Variants in SGCD observed in about 807,000 individuals in gnomAD.
The protein encoded by SGCD is sarcoglycan delta, also known as delta-sarcoglycan.
In SGCD, 18 loss-of-function variants were observed where a neutral mutation model predicts 36.6. That is an observed-to-expected ratio of 0.49 (90% CI 0.34 to 0.73). The LOEUF (loss-of-function observed/expected upper bound fraction) is 0.73. SGCD is among the 30% of genes least tolerant of loss of function. SGCD has a pLI of 0.01. For missense variants in SGCD, 387 were observed against 346.7 expected, an observed-to-expected ratio of 1.12 and a Z score of -0.92; for synonymous variants, 133 against 130.6, an observed-to-expected ratio of 1.02 and a Z score of -0.12.
At chr5:155,728,890 G>A in the SGCD span, among the ~76,000 whole-genome samples, 1 of 152,204 alleles carries the variant, frequency 6.6e-6, no homozygotes, top group Non-Finnish European at 1.5e-5. Context: ...CGTAGCCTTC[G>A]CCGCGTGGCC....
At chr5:156,307,555 GTTTT>G (rs59481792) in intron 3 of SGCD, among the ~76,000 whole-genome samples, 15 of 41,156 alleles carry the variant, frequency 3.6e-4, no homozygotes, top group Admixed American at 6.7e-4. Flanking sequence ...TTTAACTGTT[GTTTT>G]TTTTTTTTTT....
chr5:156,742,922 A>C (rs1384367465), intron 7 of SGCD, among the ~76,000 whole-genome samples: 1 of 152,138 alleles, frequency 6.6e-6, no homozygotes, highest in Non-Finnish European at 1.5e-5. Context: ...TTCAAATGTT[A>C]ATCTCATCCA....
intron 3 of SGCD, among the ~76,000 whole-genome samples, chr5:156,251,945 A>G (rs10039209): frequency 3.3e-5 from 5 of 152,200 alleles, no homozygotes; most frequent in African/African-American, 9.7e-5. Flanking sequence ...TCTAAAAAGC[A>G]TCTTTGTTTC....
chr5:156,397,589 C>T (rs55755417), intron 3 of SGCD, among the ~76,000 whole-genome samples: 22,594 of 152,072 alleles, frequency 0.15, 1,818 homozygotes, highest in South Asian at 0.25. Flanking sequence ...GGCAGTTGGA[C>T]GTTCACTGTG....
In SGCD at chr5:156,762,528, T is replaced by G. The variant is rs373397656; in HGVS notation, c.*3138T>G. 6 of 152,782 alleles carry G rather than the reference T, an allele frequency of 3.9e-5. No homozygotes were observed. In the South Asian group the frequency reaches 6.2e-4, roughly 16 times the overall value. The allele number at this position is 152,782 out of a possible 1,614,324, so 9.5% of individuals were successfully genotyped here. The stretch of plus-strand genomic sequence containing the variant: ...GGCTTTGAACATCCTTTAGGTCATT[T>G]TCTCTTTGGATAATTTTCATCGCAT... On this transcript the variant is annotated 3_prime_UTR_variant, in exon 9 of 9. Transcript: ENST00000337851.
chr5:156,063,453 T>A lies in SGCD; in HGVS notation c.-281-54425T>A, dbSNP rs999600168. 1.1e-4 allele frequency among the ~76,000 whole-genome samples: 14 copies of A among 123,096 alleles called. 3 individuals carry two copies. Among genetic ancestry groups the A allele is most frequent in the African/African-American group, 2.9e-4 (8 of 27,170 alleles). 80.8% of individuals were successfully genotyped at this position (123,096 alleles called of 152,430 possible). A position where few individuals can be genotyped will look rare whatever the true frequency, so the allele number is the denominator to read the frequency against. ...GTTCCATATGAACTTTAAAGTAGTTTTTTCCAATTCTGTGAAGAAAGTCAT... is the reference window on the plus strand; with the variant it reads ...GTTCCATATGAACTTTAAAGTAGTTATTTCCAATTCTGTGAAGAAAGTCAT... On this transcript the variant is annotated intron_variant, in intron 1 of 9. Transcript: ENST00000517913.
chr5:156,303,046 T>G (rs1767096338), intron 3 of SGCD, among the ~76,000 whole-genome samples: 1 of 152,188 alleles, frequency 6.6e-6, no homozygotes, highest in Non-Finnish European at 1.5e-5. Context: ...CTTTTGTCCT[T>G]CCCTCAGGGC....
intron 4 of SGCD, among the ~76,000 whole-genome samples, chr5:156,536,270 A>T (rs1266888204): frequency 6.6e-6 from 1 of 152,192 alleles, no homozygotes; most frequent in Non-Finnish European, 1.5e-5. Context: ...GATGCTAAGT[A>T]CTTAGGCATT....
At chr5:155,927,162 C>A (rs1757009956) in intron 1 of SGCD, among the ~76,000 whole-genome samples, 1 of 152,068 alleles carries the variant, frequency 6.6e-6, no homozygotes, top group Non-Finnish European at 1.5e-5. Flanking sequence ...GTTATAGTAT[C>A]CATTTCTAAC....
At chr5:156,632,449 T>A (rs139566196) in intron 6 of SGCD, among the ~76,000 whole-genome samples, 2 of 152,368 alleles carry the variant, frequency 1.3e-5, no homozygotes, top group African/African-American at 4.8e-5. Flanking sequence ...GGACACCTTA[T>A]TTTGAAGACC....
At chr5:155,973,268 G>A (rs946185998) in intron 1 of SGCD, among the ~76,000 whole-genome samples, 5 of 152,094 alleles carry the variant, frequency 3.3e-5, no homozygotes, top group Non-Finnish European at 7.4e-5. Context: ...ATAACCCATA[G>A]CATATTTGCA....
chr5:156,009,933 G>C (rs915340326), intron 1 of SGCD, among the ~76,000 whole-genome samples: 1 of 152,154 alleles, frequency 6.6e-6, no homozygotes. Flanking sequence ...CATCAACATG[G>C]ACCAAAAGGC....
chr5:156,007,425 A>G (rs1365228311), intron 1 of SGCD, among the ~76,000 whole-genome samples: 1 of 152,236 alleles, frequency 6.6e-6, no homozygotes, highest in Non-Finnish European at 1.5e-5. Context: ...CTAGTGCATG[A>G]AAGAAAAACA....
intron 3 of SGCD, among the ~76,000 whole-genome samples, chr5:156,152,225 A>G (rs1372817619): frequency 6.6e-6 from 1 of 151,458 alleles, no homozygotes; most frequent in Admixed American, 6.6e-5. Flanking sequence ...ACTTTCCTCG[A>G]TTTGTTTCTT....
At chr5:155,962,910 C>T (rs1334380224) in intron 1 of SGCD, among the ~76,000 whole-genome samples, 1 of 152,158 alleles carries the variant, frequency 6.6e-6, no homozygotes, top group African/African-American at 2.4e-5. Flanking sequence ...CTCATTTCGG[C>T]AACTCTGCTA....
At chr5:156,159,139 G>A (rs554331794) in intron 3 of SGCD, among the ~76,000 whole-genome samples, 1 of 151,592 alleles carries the variant, frequency 6.6e-6, no homozygotes, top group Admixed American at 6.6e-5. Flanking sequence ...TATCTGTCTT[G>A]GCTATTTTGC....
chr5:156,303,337 C>A (rs1031489684), intron 3 of SGCD, among the ~76,000 whole-genome samples: 2 of 152,058 alleles, frequency 1.3e-5, no homozygotes, highest in Admixed American at 6.5e-5. Context: ...TAGCTTGTGG[C>A]AAATGCTACC....
intron 3 of SGCD, among the ~76,000 whole-genome samples, chr5:156,279,838 T>G (rs1291328200): frequency 6.6e-6 from 1 of 152,104 alleles, no homozygotes; most frequent in Non-Finnish European, 1.5e-5. Context: ...TACAGTTTTG[T>G]ACAAAATTCA....
intron 3 of SGCD, among the ~76,000 whole-genome samples, chr5:156,467,426 A>C (rs376073206): frequency 7.2e-5 from 11 of 152,200 alleles, no homozygotes; most frequent in South Asian, 2.1e-4. Flanking sequence ...CTAAAGAAAG[A>C]AAGCAAGCAT....
Sources: allele counts gnomAD v4.1 joint callset (sites outside exome capture counted in the v4.1 genomes callset), GRCh38; gene constraint gnomAD v4.1.1; transcripts MANE v1.5; gene names NCBI Gene and HGNC (gene_info 2026-07-23, HGNC 2026-07-21).